CPA6: variants seen among roughly 807,000 people sequenced by gnomAD.
CPA6 encodes carboxypeptidase B.
In CPA6, 58 loss-of-function variants were observed where a neutral mutation model predicts 63.3. The observed-to-expected ratio is 0.92, with a 90% confidence interval of 0.74 to 1.14. The LOEUF (loss-of-function observed/expected upper bound fraction) is 1.14, where lower values mean the gene tolerates loss of function less well. CPA6 is among the 50% of genes most tolerant of loss of function. CPA6 has a pLI of 0.00. For synonymous variants in CPA6, 185 were observed against 179.0 expected, an observed-to-expected ratio of 1.03 and a Z score of -0.27; for missense variants, 565 against 526.6, an observed-to-expected ratio of 1.07 and a Z score of -0.71.
chr8:67,489,197 A>G (rs1047264572), intron 6 of CPA6, among the ~76,000 whole-genome samples: 6 of 151,684 alleles, frequency 4.0e-5, no homozygotes, highest in Admixed American at 6.6e-5. Flanking sequence ...CCTCCTTCTT[A>G]GCTTCCTAAA....
At chr8:67,451,455 G>A (rs769322998) in intron 8 of CPA6, among the ~76,000 whole-genome samples, 6 of 152,110 alleles carry the variant, frequency 3.9e-5, no homozygotes, top group Non-Finnish European at 8.8e-5. Flanking sequence ...TCTAGTTTCA[G>A]GAAACAAGCT....
In CPA6 at chr8:67,511,591, G is replaced by A. The variant is rs768188762; in HGVS notation, c.382C>T (p.Arg128Ter). 4.1e-5 allele frequency: 66 copies of A among 1,611,792 alleles called. No individual in the cohort carries two copies. Among genetic ancestry groups the A allele is most frequent in the Middle Eastern group, 1.6e-4 (1 of 6,076 alleles). Residue 128 changes from arginine to a stop codon, truncating the protein, a stop_gained, in exon 4 of 11, where the codon CGA becomes TGA. Transcript: ENST00000297770. LOFTEE classifies it high-confidence loss of function. ...KGSSLHTQRN[R>*]RSLSGYNYEV... ...TAATTATATCCAGAGAGGGATCTTCGGTTTCTCTGGGTGTGCAAGCTGCTT... is the reference window on the plus strand; with the variant it reads ...TAATTATATCCAGAGAGGGATCTTCAGTTTCTCTGGGTGTGCAAGCTGCTT...
At chr8:67,435,326 C>T (rs1027125174) in intron 8 of CPA6, among the ~76,000 whole-genome samples, 7 of 151,990 alleles carry the variant, frequency 4.6e-5, no homozygotes, top group Admixed American at 1.3e-4. Context: ...CTTCCCAGCT[C>T]AGGCAGATGG....
chr8:67,575,542 A>G (rs1470537123), intron 2 of CPA6, among the ~76,000 whole-genome samples: 2 of 152,142 alleles, frequency 1.3e-5, no homozygotes. Flanking sequence ...TGGAATACTA[A>G]CCTACTCAGC....
intron 2 of CPA6, among the ~76,000 whole-genome samples, chr8:67,539,926 C>T (rs1812668731): frequency 6.6e-6 from 1 of 152,064 alleles, no homozygotes; most frequent in Non-Finnish European, 1.5e-5. Flanking sequence ...TCTTAGCTTC[C>T]TTGCATTGGG....
chr8:67,719,772 G>A (rs1177659493), intron 1 of CPA6, among the ~76,000 whole-genome samples: 1 of 152,092 alleles, frequency 6.6e-6, no homozygotes, highest in East Asian at 1.9e-4. Flanking sequence ...ACTGAAGTAG[G>A]GGAGAAAGAA....
At position 67,704,710 on chromosome 8, in the gene CPA6, G is replaced by A. The variant is rs761028661; in HGVS notation, c.116+41304C>T. Among the ~76,000 whole-genome samples, 122 of 152,282 alleles carry A rather than the reference G, an allele frequency of 8.0e-4. No homozygotes were observed. The Middle Eastern group carries it at 0.017, about 21-fold the overall frequency. The stretch of plus-strand genomic sequence containing the variant: ...AGATGGGACCAAAGTTAAGGTACAC[G>A]GTAAGACTGGTTCATTCTAGAACCC... On this transcript the variant is annotated intron_variant, in intron 1 of 10. Transcript: ENST00000297770.
rs117671211 is a variant in CPA6, at chr8:67,511,241, G to A, written c.432+300C>T. On this transcript the variant is annotated intron_variant, in intron 4 of 10. Transcript: ENST00000297770. ...TGGCTTGTTAGTGAAGGCCATTATA[G>A]CGATAATTATAGCAACATTTCCTCA... Among the ~76,000 whole-genome samples the A allele has an allele frequency of 1.8e-3, 279 of 152,250 alleles. 9 individuals are homozygous for A. In the East Asian group the frequency reaches 0.051, roughly 28 times the overall value.
intron 6 of CPA6, among the ~76,000 whole-genome samples, chr8:67,503,468 A>ATT (rs869172205): frequency 1.5e-3 from 188 of 126,030 alleles, no homozygotes; most frequent in African/African-American, 4.3e-3. Flanking sequence ...AGCTAATTAA[A>ATT]TTTTTTTTTT....
intron 2 of CPA6, among the ~76,000 whole-genome samples, chr8:67,589,201 T>C (rs1814036426): frequency 6.6e-6 from 1 of 152,124 alleles, no homozygotes; most frequent in Admixed American, 6.6e-5. Context: ...AATGTGGTAG[T>C]TTTATAATAT....
chr8:67,428,177 T>C (rs1273696494), intron 9 of CPA6, 46 bp from the exon 10 acceptor site: 5 of 1,104,670 alleles, frequency 4.5e-6, no homozygotes, highest in Admixed American at 3.5e-5. Context: ...GCATTGAAAC[T>C]TTTAGATACA....
At chr8:67,559,607 C>G (rs1813153669) in intron 2 of CPA6, among the ~76,000 whole-genome samples, 2 of 152,116 alleles carry the variant, frequency 1.3e-5, no homozygotes, top group African/African-American at 4.8e-5. Context: ...TGCCAATATT[C>G]CAAGCCCACT....
At chr8:67,546,088 C>A (rs1812813280) in intron 2 of CPA6, among the ~76,000 whole-genome samples, 1 of 152,114 alleles carries the variant, frequency 6.6e-6, no homozygotes, top group Non-Finnish European at 1.5e-5. Flanking sequence ...TTACTATATC[C>A]CTCCCACCCC....
intron 1 of CPA6, among the ~76,000 whole-genome samples, chr8:67,740,382 A>G (rs1350160394): frequency 6.6e-6 from 1 of 152,224 alleles, no homozygotes; most frequent in Admixed American, 6.5e-5. Context: ...TCAGGACATA[A>G]AAGAACACAA....
intron 2 of CPA6, among the ~76,000 whole-genome samples, chr8:67,557,952 A>C (rs1019931981): frequency 2.6e-5 from 4 of 152,164 alleles, no homozygotes; most frequent in Non-Finnish European, 5.9e-5. Context: ...GCTTAAAAAC[A>C]AGAGTTCTGA....
At chr8:67,523,444 G>A (rs1587520381) in intron 2 of CPA6, among the ~76,000 whole-genome samples, 1 of 152,140 alleles carries the variant, frequency 6.6e-6, no homozygotes, top group South Asian at 2.1e-4. Context: ...CAGGAGAATA[G>A]TGTGAACCTG....
intron 9 of CPA6, among the ~76,000 whole-genome samples, chr8:67,429,934 T>C (rs146607743): frequency 6.6e-6 from 1 of 152,174 alleles, no homozygotes; most frequent in African/African-American, 2.4e-5. Flanking sequence ...GACTAGGGTT[T>C]AGATGTGATC....
intron 3 of CPA6, among the ~76,000 whole-genome samples, chr8:67,512,900 A>G (rs1281350521): frequency 6.6e-6 from 1 of 152,178 alleles, no homozygotes; most frequent in East Asian, 1.9e-4. Context: ...CTAAAGAAAT[A>G]TTTTCCATTC....
chr8:67,464,987 ATCAGGCTCCTTT>A (rs1272492946), intron 8 of CPA6, among the ~76,000 whole-genome samples: 1 of 152,108 alleles, frequency 6.6e-6, no homozygotes, highest in East Asian at 1.9e-4. Flanking sequence ...GCTGTGGCTA[ATCAGGCTCCTTT>A]TGGGTTCCAT....
Sources: gnomAD v4.1 joint callset for allele counts (sites outside exome capture counted in the v4.1 genomes callset) on GRCh38, gnomAD v4.1.1 for gene constraint, MANE v1.5 for transcripts, NCBI Gene and HGNC (gene_info 2026-07-23, HGNC 2026-07-21) for gene names.